The following ATXN7 variants were observed in gnomAD, a reference collection of about 807,000 sequenced individuals.
The protein encoded by ATXN7 is ataxin 7.
ATXN7 carries 12 observed loss-of-function variants against 70.5 expected under a neutral mutation model. The observed-to-expected ratio is 0.17, with a 90% CI of 0.11 to 0.28. The LOEUF is 0.28. Among genes scored for constraint, ATXN7 ranks in the 10% least tolerant of loss-of-function variants. The probability of loss-of-function intolerance (pLI) is 1.00; values close to 1 mark genes in which losing one functional copy is unlikely to be tolerated. For synonymous variants in ATXN7, 498 were observed against 448.7 expected, an observed-to-expected ratio of 1.11 and a Z score of -1.39; for missense variants, 1,256 against 1,131.7, an observed-to-expected ratio of 1.11 and a Z score of -1.58.
chr3:63,982,787 C>A, intron 7 of ATXN7, 152 bp from the exon 8 acceptor site: 1 of 652,458 alleles, frequency 1.5e-6, no homozygotes. Context: ...TGTTGCAGCA[C>A]TCACACGTTG....
Position 64,000,316 on chromosome 3 carries a change from A to T in ATXN7, c.*849A>T, listed in dbSNP as rs1264304201. On this transcript the variant is annotated 3_prime_UTR_variant, in exon 13 of 13. Transcript: ENST00000674280. The stretch of plus-strand genomic sequence containing the variant: ...TGGGAGTGAGGAAGTTAAAATCACT[A>T]TAGGGAGAAAAAACTTTTTTCAAGA... The T allele has an allele frequency of 6.6e-6, 1 of 152,454 alleles. No homozygotes were observed. Among genetic ancestry groups the T allele is most frequent in the African/African-American group, 2.4e-5 (1 of 41,380 alleles). 9.4% of individuals were successfully genotyped at this position (152,454 alleles called of 1,614,324 possible). A position where few individuals can be genotyped will look rare whatever the true frequency, so the allele number is the denominator to read the frequency against.
chr3:63,967,040 C>T (rs1358585258), intron 5 of ATXN7, among the ~76,000 whole-genome samples: 1 of 152,162 alleles, frequency 6.6e-6, no homozygotes, highest in Non-Finnish European at 1.5e-5. Context: ...GCCTCAAACT[C>T]CTGGACTCTT....
chr3:63,922,982 C>A (rs1300068939), intron 4 of ATXN7, among the ~76,000 whole-genome samples: 1 of 152,188 alleles, frequency 6.6e-6, no homozygotes, highest in Non-Finnish European at 1.5e-5. Flanking sequence ...TCAAGGACAC[C>A]TATGTAACTA....
chr3:63,863,893 G>A lies in ATXN7; in HGVS notation c.-376G>A, dbSNP rs897655781. 26 of 1,139,794 alleles carry A rather than the reference G, an allele frequency of 2.3e-5. No individual in the cohort carries two copies. Among genetic ancestry groups the A allele is most frequent in the Non-Finnish European group, 2.8e-5 (26 of 930,354 alleles). The allele number at this position is 1,139,794 out of a possible 1,614,324, so 70.6% of individuals were successfully genotyped here. A position where few individuals can be genotyped will look rare whatever the true frequency, so the allele number is the denominator to read the frequency against. Reference sequence around the variant, plus strand: ...CAATGCAGCCGGGTAAACAGCCATGGAGGAGGAGGCGGCGGCGCCCGCGGC... The same window carrying A: ...CAATGCAGCCGGGTAAACAGCCATGAAGGAGGAGGCGGCGGCGCCCGCGGC... On this transcript the variant is annotated 5_prime_UTR_variant, in exon 1 of 13. The change creates a premature stop within an existing upstream ORF in the 5' untranslated region. Transcript: ENST00000674280.
At chr3:63,872,767 T>C (rs943775061) in intron 1 of ATXN7, among the ~76,000 whole-genome samples, 3 of 152,222 alleles carry the variant, frequency 2.0e-5, no homozygotes, top group Non-Finnish European at 4.4e-5. Flanking sequence ...TTTGCCATGA[T>C]TGATAAAACT....
intron 1 of ATXN7, among the ~76,000 whole-genome samples, chr3:63,879,361 C>A (rs375187123): frequency 1.3e-5 from 2 of 152,018 alleles, no homozygotes; most frequent in East Asian, 1.9e-4. Flanking sequence ...ATGAACTGTA[C>A]AAGTGATTTA....
chr3:63,892,328 G>C (rs756124354), intron 1 of ATXN7, among the ~76,000 whole-genome samples: 5 of 150,878 alleles, frequency 3.3e-5, no homozygotes, highest in Non-Finnish European at 1.5e-5. Flanking sequence ...AACTCTCTCT[G>C]TTCCCCAGGC....
rs984280049 is a variant in ATXN7 at position 63,996,673 on chromosome 3, C to T, written c.2661+190C>T. The T allele has an allele frequency of 1.0e-5, 7 of 679,956 alleles. No individual in the cohort carries two copies. The Admixed American group carries it at 2.0e-4, about 19-fold the overall frequency. 42.1% of individuals were successfully genotyped at this position (679,956 alleles called of 1,614,324 possible). On this transcript the variant is annotated intron_variant, in intron 12 of 12. Coordinates refer to ENST00000674280, the MANE Select transcript of ATXN7 (RefSeq NM_001377405.1). The stretch of plus-strand genomic sequence containing the variant: ...CGGCCGTATGAAGGTAAAACAGGCT[C>T]TTCTGCCAGAATTTCTGGTGCCTTT...
chr3:63,948,577 A>C (rs1021495224), intron 4 of ATXN7, among the ~76,000 whole-genome samples: 2 of 152,174 alleles, frequency 1.3e-5, no homozygotes, highest in South Asian at 2.1e-4. Flanking sequence ...AGTGCCATTC[A>C]GGTTTTCTTG....
chr3:63,952,572 C>A, intron 5 of ATXN7, 89 bp downstream of exon 5: 2 of 767,982 alleles, frequency 2.6e-6, no homozygotes, highest in South Asian at 2.7e-5. Flanking sequence ...ATGCATGGGA[C>A]ATAATGTCCC....
At chr3:63,932,834 C>A (rs768254221) in intron 4 of ATXN7, among the ~76,000 whole-genome samples, 1 of 152,106 alleles carries the variant, frequency 6.6e-6, no homozygotes, top group Non-Finnish European at 1.5e-5. Flanking sequence ...ATGTCTGCTC[C>A]TTGCTTTTTG....
rs924951155 is a variant in ATXN7 at position 63,911,713 on chromosome 3, A to G, written c.-11-875A>G. On this transcript the variant is annotated intron_variant, in intron 2 of 12. Transcript: ENST00000674280. ...CCCCAGGCGCACAGTGTGACTTCCAATTGCGGGTCGGGGGCACACATGTGG... is the reference window on the plus strand; with the variant it reads ...CCCCAGGCGCACAGTGTGACTTCCAGTTGCGGGTCGGGGGCACACATGTGG... 6.6e-5 allele frequency: 10 copies of G among 152,166 alleles called. No individual in the cohort carries two copies. The South Asian group carries it at 8.3e-4, about 13-fold the overall frequency. The allele number at this position is 152,166 out of a possible 1,614,324, so 9.4% of individuals were successfully genotyped here. A position where few individuals can be genotyped will look rare whatever the true frequency, so the allele number is the denominator to read the frequency against.
intron 5 of ATXN7, among the ~76,000 whole-genome samples, chr3:63,968,846 T>A (rs2075267823): frequency 6.6e-6 from 1 of 152,170 alleles, no homozygotes; most frequent in Non-Finnish European, 1.5e-5. Flanking sequence ...GGATTCAGAT[T>A]TCATGCCTTG....
intron 1 of ATXN7, among the ~76,000 whole-genome samples, chr3:63,870,363 T>C (rs1415196257): frequency 6.6e-6 from 1 of 152,216 alleles, no homozygotes; most frequent in Non-Finnish European, 1.5e-5. Flanking sequence ...TGCATAGATT[T>C]GTGGCATTGC....
At chr3:63,953,312 C>T (rs1305470113) in intron 5 of ATXN7, among the ~76,000 whole-genome samples, 1 of 152,062 alleles carries the variant, frequency 6.6e-6, no homozygotes, top group Non-Finnish European at 1.5e-5. Context: ...ACTCGGGCAG[C>T]AATCTAGAAT....
chr3:63,930,773 G>A (rs904796444), intron 4 of ATXN7, among the ~76,000 whole-genome samples: 1 of 151,930 alleles, frequency 6.6e-6, no homozygotes, highest in African/African-American at 2.4e-5. Flanking sequence ...CTCATGATCC[G>A]CCCGCCTTGG....
At chr3:63,906,237 C>T (rs943506887) in intron 2 of ATXN7, among the ~76,000 whole-genome samples, 8 of 152,178 alleles carry the variant, frequency 5.3e-5, no homozygotes, top group African/African-American at 9.7e-5. Flanking sequence ...TCCTGGATCA[C>T]GGTGCAAAGA....
intron 1 of ATXN7, among the ~76,000 whole-genome samples, chr3:63,885,129 C>T (rs939096280): frequency 4.6e-5 from 7 of 152,070 alleles, no homozygotes; most frequent in African/African-American, 7.2e-5. Context: ...TTGCATCAAA[C>T]TAAAACAGCT....
intron 5 of ATXN7, among the ~76,000 whole-genome samples, chr3:63,978,043 A>C (rs570986778): frequency 6.6e-6 from 1 of 152,332 alleles, no homozygotes; most frequent in African/African-American, 2.4e-5. Flanking sequence ...TGCCATGCAC[A>C]TGATAACTTA....
Sources: gnomAD v4.1 joint callset for allele counts (sites outside exome capture counted in the v4.1 genomes callset) on GRCh38, gnomAD v4.1.1 for gene constraint, MANE v1.5 for transcripts, NCBI Gene and HGNC (gene_info 2026-07-23, HGNC 2026-07-21) for gene names.